DCK: variants seen among roughly 807,000 people sequenced by gnomAD.
DCK encodes the protein deoxyadenosine kinase.
Under a neutral mutation model 38.3 loss-of-function variants are expected in DCK, and 23 were observed. The observed-to-expected ratio is 0.60, with a 90% CI of 0.43 to 0.85. The LOEUF (loss-of-function observed/expected upper bound fraction) is 0.85. Among genes scored for constraint, DCK ranks in the 40% least tolerant of loss-of-function variants. DCK has a pLI of 0.00. For synonymous variants in DCK, 108 were observed against 100.6 expected (o/e 1.07, Z -0.44); for missense variants, 259 against 304.4 (o/e 0.85, Z 1.11).
intron 2 of DCK, among the ~76,000 whole-genome samples, chr4:71,004,471 G>A (rs754465537): frequency 7.9e-5 from 12 of 152,242 alleles, no homozygotes; most frequent in Non-Finnish European, 1.2e-4. Flanking sequence ...CTGTCCTTTA[G>A]CAGAGCTTGA....
At chr4:70,996,076 G>T (rs1739653694) in intron 1 of DCK, among the ~76,000 whole-genome samples, 1 of 152,144 alleles carries the variant, frequency 6.6e-6, no homozygotes. Context: ...AGGCACAGTG[G>T]ATCACGCCTG....
At chr4:71,020,368 A>G (rs1740382596) in intron 2 of DCK, among the ~76,000 whole-genome samples, 1 of 152,240 alleles carries the variant, frequency 6.6e-6, no homozygotes, top group Non-Finnish European at 1.5e-5. Context: ...TGATGTTAAA[A>G]TCAAACAGTT....
At chr4:71,022,277 A>G (rs1740443352) in intron 2 of DCK, 90 bp from the exon 3 acceptor site, 1 of 681,164 alleles carries the variant, frequency 1.5e-6, no homozygotes, top group Admixed American at 3.0e-5. Flanking sequence ...ACATTTATTT[A>G]TCTGACTTTT....
chr4:71,017,039 C>T (rs1740288649), intron 2 of DCK, among the ~76,000 whole-genome samples: 1 of 152,086 alleles, frequency 6.6e-6, no homozygotes. Context: ...ACTCATCTGA[C>T]AAAGGGCTAA....
chr4:71,012,148 TC>T (rs921384305), intron 2 of DCK, among the ~76,000 whole-genome samples: 1 of 152,162 alleles, frequency 6.6e-6, no homozygotes, highest in Non-Finnish European at 1.5e-5. Context: ...TTTTGTTTCT[TC>T]CCCACCCCCC....
intron 2 of DCK, among the ~76,000 whole-genome samples, chr4:71,002,734 T>G (rs918855222): frequency 9.9e-5 from 15 of 152,156 alleles, no homozygotes; most frequent in Admixed American, 7.9e-4. Context: ...CTTTTTTTCA[T>G]GCTTATTGAT....
intron 2 of DCK, among the ~76,000 whole-genome samples, chr4:70,999,398 C>T (rs568838748): frequency 3.0e-4 from 46 of 152,366 alleles, no homozygotes; most frequent in African/African-American, 1.0e-3. Context: ...ATATGTGCCA[C>T]ATTTTGTTTA....
rs1457817387 is a variant in DCK at position 71,029,917 on chromosome 4, C to T, written c.*539C>T. The T allele has an allele frequency of 6.6e-6, 1 of 152,542 alleles. No individual in the cohort carries two copies. The highest frequency in any genetic ancestry group is 1.5e-5 in the Non-Finnish European group (1 of 68,082). The allele number at this position is 152,542 out of a possible 1,614,324, so 9.4% of individuals were successfully genotyped here. ...TTATTATCTTCTTAACAGTTTAGTC[C>T]CACCTCTTACTTCCTGCCTCAGTCT... is the stretch of plus-strand genomic sequence containing the variant. On this transcript the variant is annotated 3_prime_UTR_variant, in exon 7 of 7. Coordinates refer to ENST00000286648, the MANE Select transcript of DCK (RefSeq NM_000788.3).
rs1465854462 is a variant in DCK, at chr4:71,022,469, C to T, written c.310C>T (p.Arg104Ter). Residue 104 changes from arginine to a stop codon, truncating the protein, a stop_gained, in exon 3 of 7, where the codon CGA becomes TGA. Transcript: ENST00000286648. LOFTEE classifies it high-confidence loss of function. ...CTTCCAAACATATGCCTGTCTCAGTCGAATAAGAGCTCAGCTTGCCTCTCT... is the reference window on the plus strand; with the variant it reads ...CTTCCAAACATATGCCTGTCTCAGTTGAATAAGAGCTCAGCTTGCCTCTCT... ...FTFQTYACLS[R>*]IRAQLASLNG... 1.9e-6 allele frequency: 3 copies of T among 1,609,756 alleles called. No individual in the cohort carries two copies. Among genetic ancestry groups the T allele is most frequent in the Non-Finnish European group, 2.5e-6 (3 of 1,178,310 alleles).
intron 2 of DCK, among the ~76,000 whole-genome samples, chr4:71,001,281 A>G (rs1739795374): frequency 1.3e-5 from 2 of 152,060 alleles, no homozygotes; most frequent in Admixed American, 6.6e-5. Flanking sequence ...TATGTGATAG[A>G]TTATGTTTTA....
intron 6 of DCK, among the ~76,000 whole-genome samples, chr4:71,029,011 C>T (rs1412303340): frequency 6.6e-6 from 1 of 152,206 alleles, no homozygotes; most frequent in Non-Finnish European, 1.5e-5. Flanking sequence ...CCCGCCTCGG[C>T]CTCCCAAAGT....
At chr4:71,023,856 A>G in intron 4 of DCK, 150 bp downstream of exon 4, 1 of 622,304 alleles carries the variant, frequency 1.6e-6, no homozygotes, top group Non-Finnish European at 2.5e-6. Flanking sequence ...AACTGTGTAG[A>G]TAGAAGCATT....
intron 2 of DCK, among the ~76,000 whole-genome samples, chr4:71,008,561 ACT>A (rs1740006876): frequency 6.6e-6 from 1 of 152,032 alleles, no homozygotes; most frequent in African/African-American, 2.4e-5. Flanking sequence ...TCTAAAAGCA[ACT>A]CTTTTTCCTT....
At chr4:71,000,161 T>G (rs552457569) in intron 2 of DCK, among the ~76,000 whole-genome samples, 66 of 152,252 alleles carry the variant, frequency 4.3e-4, no homozygotes, top group African/African-American at 1.5e-3. Flanking sequence ...TTAGGTCTTA[T>G]GTTTAAATCT....
chr4:71,013,720 A>G (rs372447771), intron 2 of DCK, among the ~76,000 whole-genome samples: 4 of 152,228 alleles, frequency 2.6e-5, no homozygotes, highest in African/African-American at 4.8e-5. Context: ...GAGAGATTTT[A>G]TCACCACCAG....
At chr4:71,028,813 G>C (rs555924286) in intron 6 of DCK, 1 of 305,696 alleles carries the variant, frequency 3.3e-6, no homozygotes, top group Non-Finnish European at 6.3e-6. Flanking sequence ...GCTGGAGTGC[G>C]ATGGCGCGAT....
chr4:71,013,123 A>G (rs1740145941), intron 2 of DCK, among the ~76,000 whole-genome samples: 2 of 152,254 alleles, frequency 1.3e-5, no homozygotes, highest in African/African-American at 4.8e-5. Context: ...CACAAGCTTC[A>G]GTAGCCGATT....
At chr4:71,008,130 G>A (rs1179686353) in intron 2 of DCK, among the ~76,000 whole-genome samples, 1 of 152,170 alleles carries the variant, frequency 6.6e-6, no homozygotes, top group African/African-American at 2.4e-5. Context: ...CAGCATTGCT[G>A]TGAACATAAA....
chr4:71,007,021 T>G (rs1739962915), intron 2 of DCK, among the ~76,000 whole-genome samples: 1 of 152,206 alleles, frequency 6.6e-6, no homozygotes, highest in Non-Finnish European at 1.5e-5. Context: ...TTCCATGGAC[T>G]TTGAGAATAT....
Sources: allele counts gnomAD v4.1 joint callset (sites outside exome capture counted in the v4.1 genomes callset), GRCh38; gene constraint gnomAD v4.1.1; transcripts MANE v1.5; gene names NCBI Gene and HGNC (gene_info 2026-07-23, HGNC 2026-07-21).